Variants in PCNX1 observed in about 807,000 individuals in gnomAD.
PCNX1 encodes the protein pecanex 1, also known as pecanex-like protein 1.
PCNX1 carries 78 observed loss-of-function variants against 242.2 expected under a neutral mutation model. The observed-to-expected ratio is 0.32, with a 90% CI of 0.27 to 0.39. The LOEUF (loss-of-function observed/expected upper bound fraction) is 0.39. PCNX1 is among the 10% of genes least tolerant of loss of function. The pLI is 1.00. For missense variants in PCNX1, 2,581 were observed against 2,856.5 expected, an observed-to-expected ratio of 0.90 and a Z score of 2.20; for synonymous variants, 1,024 against 1,032.9, an observed-to-expected ratio of 0.99 and a Z score of 0.17.
intron 30 of PCNX1, among the ~76,000 whole-genome samples, chr14:71,094,692 C>T (rs1297293896): frequency 6.6e-6 from 1 of 152,118 alleles, no homozygotes; most frequent in African/African-American, 2.4e-5. Context: ...CGTTGGGAGG[C>T]CAAGGTGGGA....
Position 71,102,094 on chromosome 14 carries a change from A to C in PCNX1, c.5694A>C (p.Ala1898=). 6.2e-7 allele frequency: 1 copy of C among 1,613,998 alleles called. No homozygotes were observed. Residue 1898 remains alanine (A), a synonymous_variant, in exon 31 of 36, where the codon GCA becomes GCC. Coordinates refer to ENST00000304743, the MANE Select transcript of PCNX1 (RefSeq NM_014982.3). ...NLVIAHEGDP[A]WRSAVLANSP... is the part of the protein sequence containing the mutation. ...TAATAGCCCATGAAGGGGACCCTGC[A>C]TGGCGGAGTGCAGTACTTGCCAACT...
intron 5 of PCNX1, among the ~76,000 whole-genome samples, chr14:70,973,836 TG>T (rs990234016): frequency 2.6e-5 from 4 of 152,164 alleles, no homozygotes; most frequent in African/African-American, 9.7e-5. Context: ...AACTTTTTTT[TG>T]CATATCATTT....
chr14:71,042,726 G>T (rs1485884476), intron 19 of PCNX1, among the ~76,000 whole-genome samples: 4 of 151,960 alleles, frequency 2.6e-5, no homozygotes, highest in Middle Eastern at 3.2e-3. Context: ...TACATTCAGG[G>T]TTTTTTGCTA....
At chr14:71,075,343 T>C (rs2061690325) in intron 27 of PCNX1, among the ~76,000 whole-genome samples, 1 of 152,108 alleles carries the variant, frequency 6.6e-6, no homozygotes, top group Admixed American at 6.6e-5. Flanking sequence ...TATTTGCTGA[T>C]TGGGATGAAC....
chr14:71,073,525 G>GCTCTCT lies in PCNX1; in HGVS notation c.4853-9_4853-4dup, dbSNP rs71305844. The GCTCTCT allele has an allele frequency of 6.6e-7, 1 of 1,523,638 alleles. No individual in the cohort carries two copies. Among genetic ancestry groups the GCTCTCT allele is most frequent in the Non-Finnish European group, 8.9e-7 (1 of 1,117,392 alleles). 94.4% of individuals were successfully genotyped at this position (1,523,638 alleles called of 1,614,324 possible). A position where few individuals can be genotyped will look rare whatever the true frequency, so the allele number is the denominator to read the frequency against. Reference sequence around the variant, plus strand: ...CTTTCTGGTTTTCCCCCTTTGTAAAGCTCTCTCTCTCTCTCTAAGGTACCT... The same window carrying GCTCTCT: ...CTTTCTGGTTTTCCCCCTTTGTAAAGCTCTCTCTCTCTCTCTCTCTCTAAGGTACCT... On this transcript the variant is annotated intron_variant, in intron 26 of 35. Transcript: ENST00000304743.
chr14:71,025,980 C>T (rs2060233879), intron 13 of PCNX1, 137 bp from the exon 14 acceptor site: 1 of 482,342 alleles, frequency 2.1e-6, no homozygotes, highest in Non-Finnish European at 3.7e-6. Context: ...ATTTGTTAAT[C>T]CTTTCTGTGA....
At chr14:71,004,278 T>C (rs892401941) in intron 8 of PCNX1, among the ~76,000 whole-genome samples, 3 of 152,182 alleles carry the variant, frequency 2.0e-5, no homozygotes, top group Non-Finnish European at 4.4e-5. Context: ...GAGAAACAAG[T>C]CCATTAACCC....
chr14:70,957,834 GTA>G lies in PCNX1; in HGVS notation c.363-4383_363-4382del, dbSNP rs537672358. Among the ~76,000 whole-genome samples the G allele has an allele frequency of 1.2e-3, 165 of 139,700 alleles. 3 individuals are homozygous for G. The East Asian group carries it at 0.026, about 22-fold the overall frequency. 91.6% of individuals were successfully genotyped at this position (139,700 alleles called of 152,430 possible). ...TATGTGTGTGTGTATGTATGTGTGT[GTA>G]TATATATAGAGAGAGAGAGAGAGAC... On this transcript the variant is annotated intron_variant, in intron 2 of 35. Transcript: ENST00000304743.
At chr14:70,909,763 T>G (rs1031538200) in intron 1 of PCNX1, among the ~76,000 whole-genome samples, 1 of 152,134 alleles carries the variant, frequency 6.6e-6, no homozygotes, top group Non-Finnish European at 1.5e-5. Context: ...GTGTCTACCA[T>G]GTACTAGACA....
intron 26 of PCNX1, among the ~76,000 whole-genome samples, chr14:71,064,045 C>T (rs1364296723): frequency 2.0e-5 from 3 of 151,984 alleles, no homozygotes; most frequent in African/African-American, 4.8e-5. Flanking sequence ...GACTGGATTC[C>T]TTTCCATTTT....
chr14:71,112,241 A>G lies in PCNX1; in HGVS notation c.*2306A>G, dbSNP rs892865310. ...TTTTTAATTTCTAGCCCCTCCTCCAAAAAAATTTTAAACACATCACATACT... is the reference window on the plus strand; with the variant it reads ...TTTTTAATTTCTAGCCCCTCCTCCAGAAAAATTTTAAACACATCACATACT... On this transcript the variant is annotated 3_prime_UTR_variant, in exon 36 of 36. Transcript: ENST00000304743. 30 of 152,238 alleles carry G rather than the reference A, an allele frequency of 2.0e-4. No individual in the cohort carries two copies. Among genetic ancestry groups the G allele is most frequent in the African/African-American group, 6.7e-4 (28 of 41,568 alleles). The allele number at this position is 152,238 out of a possible 1,614,324, so 9.4% of individuals were successfully genotyped here. A position where few individuals can be genotyped will look rare whatever the true frequency, so the allele number is the denominator to read the frequency against.
At chr14:70,967,308 A>G (rs755959157) in intron 3 of PCNX1, among the ~76,000 whole-genome samples, 3 of 152,256 alleles carry the variant, frequency 2.0e-5, no homozygotes, top group Non-Finnish European at 2.9e-5. Context: ...GTGGTAAAGT[A>G]TAAAGTAGTA....
At chr14:70,956,668 G>T (rs1375784653) in intron 2 of PCNX1, among the ~76,000 whole-genome samples, 1 of 151,902 alleles carries the variant, frequency 6.6e-6, no homozygotes, top group Admixed American at 6.6e-5. Flanking sequence ...TTATGAGTAC[G>T]TGTGTTCAAG....
At chr14:70,952,855 C>T (rs1363363447) in intron 2 of PCNX1, among the ~76,000 whole-genome samples, 1 of 152,114 alleles carries the variant, frequency 6.6e-6, no homozygotes, top group East Asian at 1.9e-4. Flanking sequence ...AATGATTTTA[C>T]CAGTTTATAC....
At position 70,907,613 on chromosome 14, in the gene PCNX1, T is replaced by C. The variant is rs148523058; in HGVS notation, c.-238T>C. On this transcript the variant is annotated 5_prime_UTR_variant, in exon 1 of 36. Transcript: ENST00000304743. ...CTCTCAGAAGGCCGGTCTCCTCCTC[T>C]CCGCCGTCCTCCGCCCCGCCGCTCG... 0.091 allele frequency: 24,678 copies of C among 270,556 alleles called. 1,394 individuals are homozygous for C. The highest frequency in any genetic ancestry group is 0.18 in the Admixed American group (3,171 of 17,858). 16.8% of individuals were successfully genotyped at this position (270,556 alleles called of 1,614,324 possible).
At chr14:70,999,362 G>A (rs2059440163) in intron 8 of PCNX1, among the ~76,000 whole-genome samples, 1 of 152,062 alleles carries the variant, frequency 6.6e-6, no homozygotes, top group African/African-American at 2.4e-5. Context: ...TGAAATTAGT[G>A]GTTGGGGTGA....
At chr14:71,023,481 T>C (rs1001075497) in intron 13 of PCNX1, among the ~76,000 whole-genome samples, 11 of 152,110 alleles carry the variant, frequency 7.2e-5, no homozygotes, top group Non-Finnish European at 2.9e-5. Context: ...ATTCACTTTT[T>C]GATAGTCTGT....
At chr14:71,085,770 A>G in intron 28 of PCNX1, 1 of 341,712 alleles carries the variant, frequency 2.9e-6, no homozygotes, top group Admixed American at 3.4e-5. Flanking sequence ...TCTCAGTCAT[A>G]AGGCCCAGAC....
At chr14:71,104,142 CAG>C (rs1169493186) in intron 32 of PCNX1, among the ~76,000 whole-genome samples, 1 of 152,174 alleles carries the variant, frequency 6.6e-6, no homozygotes, top group Non-Finnish European at 1.5e-5. Flanking sequence ...CATTCTCACT[CAG>C]ATCTGAAATC....
Sources: gnomAD v4.1 joint callset for allele counts (sites outside exome capture counted in the v4.1 genomes callset) on GRCh38, gnomAD v4.1.1 for gene constraint, MANE v1.5 for transcripts, NCBI Gene and HGNC (gene_info 2026-07-23, HGNC 2026-07-21) for gene names.